The following ERG variants were observed in gnomAD, a reference collection of about 807,000 sequenced individuals.
ERG encodes the protein transcriptional regulator ERG.
ERG carries 9 observed loss-of-function variants against 55.3 expected under a neutral mutation model. The ratio of observed to expected loss-of-function variants is 0.16; its 90% confidence interval spans 0.10 to 0.28. The LOEUF is 0.28. Among genes scored for constraint, ERG ranks in the 10% least tolerant of loss-of-function variants. The probability of loss-of-function intolerance (pLI) is 1.00; values close to 1 mark genes in which losing one functional copy is unlikely to be tolerated. For missense variants in ERG, 434 were observed against 631.6 expected, an observed-to-expected ratio of 0.69 and a Z score of 3.35; for synonymous variants, 223 against 237.3, an observed-to-expected ratio of 0.94 and a Z score of 0.55.
chr21:38,393,167 C>A (rs1988055335), intron 6 of ERG, among the ~76,000 whole-genome samples: 1 of 152,200 alleles, frequency 6.6e-6, no homozygotes, highest in Non-Finnish European at 1.5e-5. Flanking sequence ...TGAGCTTAAG[C>A]ATATGCCAAA....
At chr21:38,481,463 CCTAT>C (rs2059237918) in intron 1 of ERG, among the ~76,000 whole-genome samples, 2 of 152,090 alleles carry the variant, frequency 1.3e-5, no homozygotes, top group African/African-American at 2.4e-5. Flanking sequence ...TTTTCATTGG[CCTAT>C]ATATAATGTT....
rs117884688 is a variant in ERG, at chr21:38,435,515, C to T, written c.236+9889G>A. ...CTTCACAGCTGTGTGTTATTTTTAC[C>T]CTTACTAAATATTCTCTCTTACACC... On this transcript the variant is annotated intron_variant, in intron 2 of 9. Coordinates refer to ENST00000288319, the MANE Select transcript of ERG (RefSeq NM_182918.4). 1.4e-3 allele frequency among the ~76,000 whole-genome samples: 220 copies of T among 152,198 alleles called. 2 individuals carry two copies. The highest frequency in any genetic ancestry group is 3.4e-3 in the Admixed American group (52 of 15,294).
intron 3 of ERG, among the ~76,000 whole-genome samples, chr21:38,417,353 C>G (rs918017771): frequency 3.3e-5 from 5 of 152,130 alleles, no homozygotes; most frequent in Non-Finnish European, 7.4e-5. Flanking sequence ...TGAAGAGATA[C>G]AGTGAAGAGA....
intron 1 of ERG, among the ~76,000 whole-genome samples, chr21:38,596,093 T>G: frequency 6.6e-6 from 1 of 150,744 alleles, no homozygotes; most frequent in East Asian, 2.0e-4. Context: ...AGCTAGAACA[T>G]CTTAATATTT....
At chr21:38,594,971 G>A (rs2060122490) in intron 1 of ERG, among the ~76,000 whole-genome samples, 1 of 152,148 alleles carries the variant, frequency 6.6e-6, no homozygotes, top group Non-Finnish European at 1.5e-5. Flanking sequence ...CAATGGCCTG[G>A]AACAGAGAGG....
intron 2 of ERG, among the ~76,000 whole-genome samples, chr21:38,518,608 C>T (rs1424502628): frequency 6.6e-6 from 1 of 151,894 alleles, no homozygotes. Context: ...TGAGAAGTAA[C>T]TCATAACATC....
chr21:38,602,812 C>T (rs1476354574), intron 1 of ERG, among the ~76,000 whole-genome samples: 2 of 151,780 alleles, frequency 1.3e-5, no homozygotes, highest in Non-Finnish European at 2.9e-5. Flanking sequence ...GAAGGAAACA[C>T]ATGAGCCTTT....
chr21:38,661,407 G>T (rs1016063062), intron 1 of ERG, among the ~76,000 whole-genome samples: 1 of 152,208 alleles, frequency 6.6e-6, no homozygotes, highest in Admixed American at 6.5e-5. Flanking sequence ...GAGAGGCGCG[G>T]TGCCCGGGAC....
chr21:38,569,030 C>A (rs1240374720), intron 2 of ERG, among the ~76,000 whole-genome samples: 1 of 152,132 alleles, frequency 6.6e-6, no homozygotes, highest in African/African-American at 2.4e-5. Context: ...CTACAGGCAG[C>A]CCCCCTGAGA....
rs1356157213 is a variant in ERG at position 38,383,348 on chromosome 21, T to A, written c.*55A>T. On this transcript the variant is annotated 3_prime_UTR_variant, in exon 10 of 10. Transcript: ENST00000288319. This position sits in a 1 kb window ranked among gnomAD's most constrained non-coding sequence, Gnocchi z 5.7. ...TTTTGATTCATGTTCTCCGATAGAG[T>A]TTGTGGCGATGGGCTGGTGAATGCA... The A allele has an allele frequency of 7.0e-7, 1 of 1,430,026 alleles. No homozygotes were observed. Among genetic ancestry groups the A allele is most frequent in the Non-Finnish European group, 9.2e-7 (1 of 1,087,114 alleles). The allele number at this position is 1,430,026 out of a possible 1,614,324, so 88.6% of individuals were successfully genotyped here. A position where few individuals can be genotyped will look rare whatever the true frequency, so the allele number is the denominator to read the frequency against.
intron 1 of ERG, among the ~76,000 whole-genome samples, chr21:38,468,934 A>G (rs1219575319): frequency 6.8e-6 from 1 of 147,970 alleles, no homozygotes; most frequent in Admixed American, 6.9e-5. Context: ...GCAGTGAACC[A>G]AGATCGCGCC....
At chr21:38,501,717 C>G (rs1031044438), upstream of ERG, among the ~76,000 whole-genome samples, 4 of 152,138 alleles carry the variant, frequency 2.6e-5, no homozygotes, top group East Asian at 1.9e-4. Flanking sequence ...CCACACTAGA[C>G]CAGCACAGCC....
At chr21:38,449,256 G>T (rs2146565627) in intron 1 of ERG, among the ~76,000 whole-genome samples, 1 of 152,310 alleles carries the variant, frequency 6.6e-6, no homozygotes, top group South Asian at 2.1e-4. Flanking sequence ...AATGTGTGGG[G>T]TGTTTTTTTC....
intron 2 of ERG, among the ~76,000 whole-genome samples, chr21:38,514,826 AT>A (rs972984817): frequency 2.0e-5 from 3 of 152,052 alleles, no homozygotes; most frequent in African/African-American, 7.2e-5. Context: ...AGATGACATC[AT>A]TTTTTTACAC....
chr21:38,621,781 C>G (rs1471734193), intron 1 of ERG, among the ~76,000 whole-genome samples: 1 of 152,150 alleles, frequency 6.6e-6, no homozygotes, highest in Non-Finnish European at 1.5e-5. Context: ...AAGTTCAGCC[C>G]AAGGCAATAT....
chr21:38,499,795 G>A (rs2146695824), upstream of ERG, among the ~76,000 whole-genome samples: 1 of 142,106 alleles, frequency 7.0e-6, no homozygotes, highest in Non-Finnish European at 1.5e-5. Context: ...TGGAGAAGGA[G>A]AAAGGAAGGA....
At chr21:38,572,053 C>T (rs972362728) in intron 2 of ERG, among the ~76,000 whole-genome samples, 1 of 152,096 alleles carries the variant, frequency 6.6e-6, no homozygotes, top group Non-Finnish European at 1.5e-5. Context: ...CATTCATGTG[C>T]CATTTATAAG....
At chr21:38,628,519 G>C (rs2060338678) in intron 1 of ERG, among the ~76,000 whole-genome samples, 1 of 152,172 alleles carries the variant, frequency 6.6e-6, no homozygotes, top group African/African-American at 2.4e-5. Flanking sequence ...AACACAAAAT[G>C]TCCCTGCTCA....
chr21:38,481,349 G>T (rs368844694), intron 1 of ERG, among the ~76,000 whole-genome samples: 3 of 152,154 alleles, frequency 2.0e-5, no homozygotes, highest in Non-Finnish European at 4.4e-5. Context: ...ACATGCGGAC[G>T]CTGTGGAAAC....
Sources: allele counts gnomAD v4.1 joint callset (sites outside exome capture counted in the v4.1 genomes callset), GRCh38; gene constraint gnomAD v4.1.1; non-coding constraint Gnocchi (gnomAD v3.1); transcripts MANE v1.5; gene names NCBI Gene and HGNC (gene_info 2026-07-23, HGNC 2026-07-21).